The following MTHFD1L variants were observed in gnomAD, a reference collection of about 807,000 sequenced individuals.
The protein encoded by MTHFD1L is methylenetetrahydrofolate dehydrogenase (NADP+ dependent) 1 like.
MTHFD1L carries 81 observed loss-of-function variants against 119.5 expected under a neutral mutation model. The observed-to-expected ratio is 0.68, with a 90% CI of 0.57 to 0.82. The LOEUF is 0.82. MTHFD1L is among the 40% of genes least tolerant of loss of function. MTHFD1L has a pLI of 0.00. For synonymous variants in MTHFD1L, 430 were observed against 475.2 expected (o/e 0.90, Z 1.24); for missense variants, 1,125 against 1,253.4 (o/e 0.90, Z 1.55).
intron 6 of MTHFD1L, among the ~76,000 whole-genome samples, chr6:150,885,975 A>G (rs1782187710): frequency 6.6e-6 from 1 of 152,208 alleles, no homozygotes; most frequent in Non-Finnish European, 1.5e-5. Context: ...TAGTAAGACC[A>G]TCTTATAAAT....
At chr6:150,964,892 G>A in intron 18 of MTHFD1L, 77 bp from the exon 19 acceptor site, 1 of 1,435,056 alleles carries the variant, frequency 7.0e-7, no homozygotes, top group Non-Finnish European at 9.8e-7. Flanking sequence ...GAAGCAGGCT[G>A]GAGAGAAGTG....
At chr6:150,987,692 T>A (rs1778497796) in intron 20 of MTHFD1L, among the ~76,000 whole-genome samples, 1 of 152,240 alleles carries the variant, frequency 6.6e-6, no homozygotes, top group Non-Finnish European at 1.5e-5. Context: ...CACCTCTGAA[T>A]GTTCACTTTC....
Position 150,905,723 on chromosome 6 carries a change from G to T in MTHFD1L, c.854G>T (p.Gly285Val). The change falls in exon 8 of 28, where the codon GGA becomes GTA. Residue 285 changes from glycine to valine, a missense_variant. Transcript: ENST00000367321. ...ATTCCCCTTACTTGGATACAACCAG[G>T]AACTACTGTTCTCAACTGCTCCCAT... ...EEIPLTWIQP[G>V]TTVLNCSHDF... 6.2e-7 allele frequency: 1 copy of T among 1,614,120 alleles called. No homozygotes were observed. Among genetic ancestry groups the T allele is most frequent in the East Asian group, 2.2e-5 (1 of 44,876 alleles).
In MTHFD1L at chr6:151,039,051, C is replaced by T. The variant is rs897056251; in HGVS notation, c.2847+1934C>T. 1.3e-5 allele frequency among the ~76,000 whole-genome samples: 2 copies of T among 152,058 alleles called. No individual in the cohort carries two copies. Among genetic ancestry groups the T allele is most frequent in the African/African-American group, 4.8e-5 (2 of 41,380 alleles). ...GTTTAAGGATATGGGTGAAGGCAGT[C>T]GTTAAACAAGAGACACAGGGATAGC... On this transcript the variant is annotated intron_variant, in intron 26 of 27. Coordinates refer to ENST00000367321, the MANE Select transcript of MTHFD1L (RefSeq NM_015440.5). This position sits in a 1 kb window ranked among gnomAD's most constrained non-coding sequence, Gnocchi z 4.4.
intron 24 of MTHFD1L, among the ~76,000 whole-genome samples, chr6:151,030,096 C>A (rs943597640): frequency 2.0e-5 from 3 of 152,218 alleles, no homozygotes; most frequent in African/African-American, 4.8e-5. Context: ...ATGACGTTTA[C>A]AACGTGCTTG....
chr6:151,088,464 G>C (rs1228810347), intron 26 of MTHFD1L: 1 of 151,968 alleles, frequency 6.6e-6, no homozygotes, highest in Non-Finnish European at 1.5e-5. Flanking sequence ...TTGTTTGTTT[G>C]TTTCTTTTTT....
rs66469160 is a variant in MTHFD1L, at chr6:151,081,513, A to AT, written c.2848-10954_2848-10953insT. Among the ~76,000 whole-genome samples, 266 of 150,312 alleles carry AT rather than the reference A, an allele frequency of 1.8e-3. 2 individuals carry two copies. Among genetic ancestry groups the AT allele is most frequent in the African/African-American group, 6.0e-3 (244 of 40,928 alleles). ...ACTAAAAATGCAAAAAAAAAAAAAA[A>AT]AAAAAAAAAATAGCCAGGCATGGTG... On this transcript the variant is annotated intron_variant, in intron 26 of 27. Coordinates refer to ENST00000367321, the MANE Select transcript of MTHFD1L (RefSeq NM_015440.5).
At chr6:151,062,742 A>G (rs564902754) in intron 26 of MTHFD1L, among the ~76,000 whole-genome samples, 1 of 152,330 alleles carries the variant, frequency 6.6e-6, no homozygotes, top group South Asian at 2.1e-4. Context: ...TGCAAACTGT[A>G]AAATGAAGTT....
intron 26 of MTHFD1L, among the ~76,000 whole-genome samples, chr6:151,047,320 C>A (rs1471705403): frequency 6.6e-6 from 1 of 152,176 alleles, no homozygotes; most frequent in African/African-American, 2.4e-5. Context: ...AATTGGTTAT[C>A]ACACTCTTCT....
chr6:150,877,685 G>T lies in MTHFD1L; in HGVS notation c.363+1G>T. 6.2e-7 allele frequency: 1 copy of T among 1,614,210 alleles called. No individual in the cohort carries two copies. Among genetic ancestry groups the T allele is most frequent in the Admixed American group, 1.7e-5 (1 of 60,018 alleles). On this transcript the variant is annotated splice_donor_variant, in intron 3 of 27. Coordinates refer to ENST00000367321, the MANE Select transcript of MTHFD1L (RefSeq NM_015440.5). LOFTEE classifies it high-confidence loss of function. The stretch of plus-strand genomic sequence containing the variant: ...AATCAACCAGAATTTGGCTGAGGAG[G>T]TGAGGACTGCTGCTTTTAAAAAATT...
intron 7 of MTHFD1L, among the ~76,000 whole-genome samples, chr6:150,888,852 G>A (rs1413616970): frequency 2.0e-5 from 3 of 152,182 alleles, no homozygotes; most frequent in East Asian, 1.9e-4. Context: ...AAGCTTGAGA[G>A]CAGGTACCAC....
intron 26 of MTHFD1L, among the ~76,000 whole-genome samples, chr6:151,088,776 G>A (rs1794095131): frequency 6.6e-6 from 1 of 152,054 alleles, no homozygotes; most frequent in South Asian, 2.1e-4. Flanking sequence ...TTAGATCCTG[G>A]TTTTGTGAAA....
intron 24 of MTHFD1L, 75 bp downstream of exon 24, chr6:151,015,768 A>G (rs1225553335): frequency 6.6e-7 from 1 of 1,510,952 alleles, no homozygotes; most frequent in Non-Finnish European, 8.9e-7. Flanking sequence ...TGTCACCACA[A>G]CCCTACAGAT....
At chr6:151,040,043 G>A (rs180751051) in intron 26 of MTHFD1L, among the ~76,000 whole-genome samples, 6 of 152,308 alleles carry the variant, frequency 3.9e-5, no homozygotes, top group African/African-American at 1.4e-4. Flanking sequence ...GGGATAAGAG[G>A]GCGGCTGGAC....
chr6:151,076,630 G>A (rs903750858), intron 26 of MTHFD1L, among the ~76,000 whole-genome samples: 12 of 146,810 alleles, frequency 8.2e-5, no homozygotes, highest in African/African-American at 3.0e-4. Flanking sequence ...CAGCCTGGGT[G>A]ACAGAGTGAT....
intron 26 of MTHFD1L, among the ~76,000 whole-genome samples, chr6:151,090,620 C>A (rs1794290504): frequency 6.6e-6 from 1 of 152,250 alleles, no homozygotes; most frequent in African/African-American, 2.4e-5. Flanking sequence ...GAGTTCTATT[C>A]TCTAGGCCTT....
intron 7 of MTHFD1L, among the ~76,000 whole-genome samples, chr6:150,900,907 C>G (rs1290794475): frequency 6.6e-6 from 1 of 150,726 alleles, no homozygotes. Flanking sequence ...CCCAGCTACT[C>G]GGGAGGCTGA....
At chr6:151,031,394 A>T (rs918120261) in intron 24 of MTHFD1L, among the ~76,000 whole-genome samples, 5 of 152,160 alleles carry the variant, frequency 3.3e-5, no homozygotes, top group Admixed American at 1.3e-4. Context: ...TGCTGCAGCC[A>T]CTCACAGTCA....
chr6:151,072,369 CATA>C (rs1446702551), intron 26 of MTHFD1L, among the ~76,000 whole-genome samples: 2 of 152,062 alleles, frequency 1.3e-5, no homozygotes, highest in Admixed American at 1.3e-4. Flanking sequence ...TAATGCTTCT[CATA>C]ATGTTACACT....
Sources: allele counts gnomAD v4.1 joint callset (sites outside exome capture counted in the v4.1 genomes callset), GRCh38; gene constraint gnomAD v4.1.1; non-coding constraint Gnocchi (gnomAD v3.1); transcripts MANE v1.5; gene names NCBI Gene and HGNC (gene_info 2026-07-23, HGNC 2026-07-21).